Variants in NAALADL1 observed in about 807,000 individuals in gnomAD.
NAALADL1 encodes aminopeptidase NAALADL1.
Under a neutral mutation model 82.8 loss-of-function variants are expected in NAALADL1, and 77 were observed. The observed-to-expected ratio is 0.93, with a 90% confidence interval of 0.77 to 1.12. The LOEUF (loss-of-function observed/expected upper bound fraction) is 1.12, where lower values mean the gene tolerates loss of function less well. NAALADL1 is among the 50% of genes most tolerant of loss of function. NAALADL1 has a pLI of 0.00. For missense variants in NAALADL1, 956 were observed against 964.0 expected, an observed-to-expected ratio of 0.99 and a Z score of 0.11; for synonymous variants, 358 against 399.2, an observed-to-expected ratio of 0.90 and a Z score of 1.23.
At chr11:65,055,191 G>A (rs551025145) in intron 4 of NAALADL1, among the ~76,000 whole-genome samples, 1 of 152,284 alleles carries the variant, frequency 6.6e-6, no homozygotes, top group East Asian at 1.9e-4. Context: ...CACCTGAGGT[G>A]GGATCACCTG....
Position 65,053,392 on chromosome 11 carries a change from G to A in NAALADL1, c.1079-55C>T. On this transcript the variant is annotated intron_variant, in intron 7 of 17. Transcript: ENST00000358658. This position sits in a 1 kb window ranked among gnomAD's most constrained non-coding sequence, Gnocchi z 4.3. ...GAGGAGAGGGAGAGGTGGGCAGGGG[G>A]AGCTGGGCTGGGTGGTGGCAAGGGC... The A allele has an allele frequency of 6.2e-7, 1 of 1,611,996 alleles. No homozygotes were observed. The highest frequency in any genetic ancestry group is 8.5e-7 in the Non-Finnish European group (1 of 1,179,084).
At position 65,054,609 on chromosome 11, in the gene NAALADL1, C is replaced by G; in HGVS notation, c.733G>C (p.Glu245Gln). 1 of 1,613,894 alleles carries G rather than the reference C, an allele frequency of 6.2e-7. No homozygotes were observed. The highest frequency in any genetic ancestry group is 8.5e-7 in the Non-Finnish European group (1 of 1,179,888). Residue 245 changes from glutamate to glutamine, a missense_variant, in exon 5 of 18, where the codon GAG becomes CAG. Transcript: ENST00000358658. The surrounding 1 kb of genome is among the most constrained non-coding windows in gnomAD (Gnocchi z 4.3). ...AAATACTCGTAGTAGGAGCCTCGCT[C>G]CACTCCTGAGGGGGGCAGGTACCAG... ...NSWYLPPSGV[E>Q]RGSYYEYFGD...
chr11:65,052,040 A>G (rs1946902895), intron 8 of NAALADL1, among the ~76,000 whole-genome samples: 1 of 152,148 alleles, frequency 6.6e-6, no homozygotes, highest in East Asian at 1.9e-4. Flanking sequence ...TAAAACTAAA[A>G]CAAGAAATTA....
chr11:65,058,645 G>T (rs928589968), upstream of NAALADL1: 26 of 902,068 alleles, frequency 2.9e-5, no homozygotes, highest in African/African-American at 6.7e-5. Context: ...AGCTGGCAGG[G>T]AGAGTGAGGG....
Position 65,045,356 on chromosome 11 carries a change from C to G in NAALADL1, c.2138G>C (p.Trp713Ser), listed in dbSNP as rs753941111. 6.2e-7 allele frequency: 1 copy of G among 1,610,606 alleles called. No individual in the cohort carries two copies. Among genetic ancestry groups the G allele is most frequent in the Non-Finnish European group, 8.5e-7 (1 of 1,178,720 alleles). ...GCTGAGCTGTCTCTGGACCTCAGCC[C>G]AAGCTTCAGATCCAGAAGCTGTGTC... ...ARDTASGSEA[W>S]AEVQRQLSIV... Residue 713 changes from tryptophan (W) to serine (S), a missense_variant, in exon 18 of 18, where the codon TGG (tryptophan) becomes TCG (serine). Trp to Ser is a radical substitution (Grantham distance 177). Transcript: ENST00000358658.
In NAALADL1 at chr11:65,048,326, G is replaced by A; in HGVS notation, c.1258C>T (p.Leu420Phe). 1 of 1,614,176 alleles carries A rather than the reference G, an allele frequency of 6.2e-7. No homozygotes were observed. The highest frequency in any genetic ancestry group is 8.5e-7 in the Non-Finnish European group (1 of 1,180,038). Reference sequence around the variant, plus strand: ...TCTGTGAATTCCGTGGAGCCAATGAGCCCAAACTCCTCAGCCCCCCAGCTC... The same window carrying A: ...TCTGTGAATTCCGTGGAGCCAATGAACCCAAACTCCTCAGCCCCCCAGCTC... ...FASWGAEEFG[L>F]IGSTEFTEEF... Residue 420 changes from leucine (L) to phenylalanine (F), a missense_variant, in exon 9 of 18, where the codon CTC becomes TTC. Physicochemically the swap from Leu to Phe is conservative, Grantham distance 22. Coordinates refer to ENST00000358658, the MANE Select transcript of NAALADL1 (RefSeq NM_005468.3).
chr11:65,046,808 C>T (rs1946742735), intron 13 of NAALADL1, among the ~76,000 whole-genome samples: 1 of 152,148 alleles, frequency 6.6e-6, no homozygotes. Flanking sequence ...CAAATCCCAG[C>T]TCTACTACCA....
rs1303449627 is a variant in NAALADL1 at position 65,057,252 on chromosome 11, T to C, written c.603+119A>G. ...ACACCTTGCCTTTCCTGCCCCACCC[T>C]GGGGCTTGGTTCCCCACTCAACACT... On this transcript the variant is annotated intron_variant, in intron 4 of 17. Transcript: ENST00000358658. The C allele has an allele frequency of 4.2e-6, 6 of 1,441,066 alleles. No individual in the cohort carries two copies. The African/African-American group carries it at 8.6e-5, about 21-fold the overall frequency. The allele number at this position is 1,441,066 out of a possible 1,614,324, so 89.3% of individuals were successfully genotyped here.
In NAALADL1 at chr11:65,048,219, C is replaced by A. The variant is rs772756452; in HGVS notation, c.1285-4G>T. On this transcript the variant is annotated splice_polypyrimidine_tract_variant and splice_region_variant and intron_variant, in intron 9 of 17. Transcript: ENST00000358658. The stretch of plus-strand genomic sequence containing the variant: ...CCTGCAGCTTGTTGAAGAACTCCTG[C>A]GGGTGCGAGGGGCGACGTCAGCCCC... The A allele has an allele frequency of 4.3e-6, 7 of 1,614,002 alleles. No individual in the cohort carries two copies. The highest frequency in any genetic ancestry group is 5.9e-6 in the Non-Finnish European group (7 of 1,180,002).
rs1285379004 is a variant in NAALADL1, at chr11:65,047,727, T to A, written c.1428A>T (p.Pro476=). Reference sequence around the variant, plus strand: ...CGTAGATGCTCAGGTCGCCAGGGCCTGGTGAGCGGATCTGGCCGGAAGGAG... The same window carrying A: ...CGTAGATGCTCAGGTCGCCAGGGCCAGGTGAGCGGATCTGGCCGGAAGGAG... ...VFSATKEIRS[P]GPGDLSIYDN... The change falls in exon 12 of 18, where the codon CCA becomes CCT. Residue 476 remains proline, a synonymous_variant. Transcript: ENST00000358658. 6.2e-7 allele frequency: 1 copy of A among 1,602,818 alleles called. No individual in the cohort carries two copies. Among genetic ancestry groups the A allele is most frequent in the Non-Finnish European group, 8.5e-7 (1 of 1,175,784 alleles).
chr11:65,051,509 A>G (rs1414821003), intron 8 of NAALADL1, among the ~76,000 whole-genome samples: 1 of 150,198 alleles, frequency 6.7e-6, no homozygotes, highest in Non-Finnish European at 1.5e-5. Flanking sequence ...CTATTTTTTT[A>G]TGTTTATTTT....
At chr11:65,055,537 G>T (rs1326276497) in intron 4 of NAALADL1, among the ~76,000 whole-genome samples, 1 of 152,190 alleles carries the variant, frequency 6.6e-6, no homozygotes, top group African/African-American at 2.4e-5. Context: ...AAGATGTTAT[G>T]TTAAGTGAAA....
rs1159187002 is a variant in NAALADL1, at chr11:65,048,029, C to T, written c.1368G>A (p.Val456=). 3 of 1,613,944 alleles carry T rather than the reference C, an allele frequency of 1.9e-6. No individual in the cohort carries two copies. Among genetic ancestry groups the T allele is most frequent in the Non-Finnish European group, 2.5e-6 (3 of 1,179,936 alleles). Residue 456 remains valine (V), a synonymous_variant, in exon 11 of 18, where the codon GTG becomes GTA. Transcript: ENST00000358658. The stretch of plus-strand genomic sequence containing the variant: ...CGCTCTGGACAGGGGGCGTCCCCTG[C>T]ACCCTAAGGGTAGCGTTGGCTGTGG... The part of the protein sequence containing the change: ...ISVFANATLR[V]QGTPPVQSVV...
At chr11:65,052,119 A>G (rs1184599361) in intron 8 of NAALADL1, among the ~76,000 whole-genome samples, 1 of 152,110 alleles carries the variant, frequency 6.6e-6, no homozygotes, top group Non-Finnish European at 1.5e-5. Flanking sequence ...ATTTTTCTTA[A>G]ATGGCACTAA....
In NAALADL1 at chr11:65,058,262, G is replaced by A; in HGVS notation, c.186-12C>T. 6.2e-7 allele frequency: 1 copy of A among 1,613,568 alleles called. No individual in the cohort carries two copies. The highest frequency in any genetic ancestry group is 8.5e-7 in the Non-Finnish European group (1 of 1,179,770). Reference sequence around the variant, plus strand: ...CCCTGGAGAGTTCTCTGCAGGGTGGGCAGAGGGAGGGGCAGGGCCAGCATC... The same window carrying A: ...CCCTGGAGAGTTCTCTGCAGGGTGGACAGAGGGAGGGGCAGGGCCAGCATC... On this transcript the variant is annotated splice_polypyrimidine_tract_variant and intron_variant, in intron 1 of 17. Coordinates refer to ENST00000358658, the MANE Select transcript of NAALADL1 (RefSeq NM_005468.3).
At position 65,048,046 on chromosome 11, in the gene NAALADL1, T is replaced by G. The variant is rs1380467719; in HGVS notation, c.1351A>C (p.Asn451His). The G allele has an allele frequency of 1.2e-6, 2 of 1,613,946 alleles. No homozygotes were observed. The highest frequency in any genetic ancestry group is 1.7e-6 in the Non-Finnish European group (2 of 1,179,956). ...YINVDISVFA[N>H]ATLRVQGTPP... The stretch of plus-strand genomic sequence containing the variant: ...GTCCCCTGCACCCTAAGGGTAGCGT[T>G]GGCTGTGGGAGGAGGGGAGAAAGAC... Residue 451 changes from asparagine (N) to histidine (H), a missense_variant and splice_region_variant, in exon 11 of 18, where the codon AAC (asparagine) becomes CAC (histidine). Asn to His is a moderately conservative substitution (Grantham distance 68). Coordinates refer to ENST00000358658, the MANE Select transcript of NAALADL1 (RefSeq NM_005468.3).
rs772146622 is a variant in NAALADL1, at chr11:65,057,362, G to C, written c.603+9C>G. 4 of 1,600,758 alleles carry C rather than the reference G, an allele frequency of 2.5e-6. No homozygotes were observed. The highest frequency in any genetic ancestry group is 1.3e-5 in the African/African-American group (1 of 74,582). ...CCGAGGCCTCCTGCACTGGGGGACT[G>C]CCACTCACCTTGGCCCCACGCCCTA... On this transcript the variant is annotated intron_variant, in intron 4 of 17. Coordinates refer to ENST00000358658, the MANE Select transcript of NAALADL1 (RefSeq NM_005468.3).
rs1313252295 is a variant in NAALADL1 at position 65,047,799 on chromosome 11, G to C, written c.1417-61C>G. On this transcript the variant is annotated intron_variant, in intron 11 of 17. Transcript: ENST00000358658. ...CCTCCCCAGCCCCAACAACAGGGCGGGTTCTCCACCGGTCTCCTGCCCACC... is the reference window on the plus strand; with the variant it reads ...CCTCCCCAGCCCCAACAACAGGGCGCGTTCTCCACCGGTCTCCTGCCCACC... 3.3e-6 allele frequency: 5 copies of C among 1,527,320 alleles called. 1 individual carries two copies. The South Asian group carries it at 4.8e-5, about 15-fold the overall frequency. The allele number at this position is 1,527,320 out of a possible 1,614,324, so 94.6% of individuals were successfully genotyped here. A position where few individuals can be genotyped will look rare whatever the true frequency, so the allele number is the denominator to read the frequency against.
intron 8 of NAALADL1, among the ~76,000 whole-genome samples, chr11:65,052,026 TAACTAA>T (rs141815439): frequency 2.1e-3 from 325 of 152,232 alleles, no homozygotes; most frequent in African/African-American, 7.1e-3. Flanking sequence ...TAAAAATAAA[TAACTAA>T]AACTAAAACA....
Sources: gnomAD v4.1 joint callset for allele counts (sites outside exome capture counted in the v4.1 genomes callset) on GRCh38, gnomAD v4.1.1 for gene constraint, Gnocchi (gnomAD v3.1) non-coding constraint, MANE v1.5 for transcripts, NCBI Gene and HGNC (gene_info 2026-07-23, HGNC 2026-07-21) for gene names.